Variants in PPP2R5A observed in about 807,000 individuals in gnomAD.
The protein encoded by PPP2R5A is protein phosphatase 2 regulatory subunit B'alpha.
A neutral mutation model predicts 64.2 loss-of-function variants in PPP2R5A; 25 were observed. That is an observed-to-expected ratio of 0.39 (90% CI 0.28 to 0.54). PPP2R5A has a LOEUF of 0.54. Among genes scored for constraint, PPP2R5A ranks in the 20% least tolerant of loss-of-function variants. The probability of loss-of-function intolerance (pLI) is 0.67; values close to 1 mark genes in which losing one functional copy is unlikely to be tolerated. For synonymous variants in PPP2R5A, 198 were observed against 201.2 expected, an observed-to-expected ratio of 0.98 and a Z score of 0.13; for missense variants, 425 against 576.3, an observed-to-expected ratio of 0.74 and a Z score of 2.69.
intron 11 of PPP2R5A, chr1:212,357,844 T>C (rs6674587): frequency 0.82 from 122,908 of 150,502 alleles, 50,662 homozygotes; most frequent in African/African-American, 0.94. Context: ...TTGCCCAGAC[T>C]GGAGTGCAAT....
chr1:212,348,312 T>C (rs999100475), intron 6 of PPP2R5A, 77 bp from the exon 7 acceptor site: 3 of 874,194 alleles, frequency 3.4e-6, no homozygotes, highest in South Asian at 1.3e-5. Context: ...CTGTTCCTTA[T>C]GTACTCATGG....
chr1:212,285,426 C>T lies in PPP2R5A; in HGVS notation c.-685C>T, dbSNP rs1399233890. The T allele has an allele frequency of 6.6e-6, 1 of 152,332 alleles. No individual in the cohort carries two copies. Among genetic ancestry groups the T allele is most frequent in the African/African-American group, 2.4e-5 (1 of 41,472 alleles). The allele number at this position is 152,332 out of a possible 1,614,324, so 9.4% of individuals were successfully genotyped here. On this transcript the variant is annotated 5_prime_UTR_variant, in exon 1 of 13. Transcript: ENST00000261461. ...ACACTCCCCAGTCGCCTGTACCAAC[C>T]ACCTTCTCAAGTTGTAGCGGTCGCT...
rs562874168 is a variant in PPP2R5A at position 212,304,986 on chromosome 1, G to A, written c.181+18695G>A. 1.7e-4 allele frequency among the ~76,000 whole-genome samples: 25 copies of A among 149,596 alleles called. No homozygotes were observed. In the South Asian group the frequency reaches 3.2e-3, roughly 19 times the overall value. ...GACCTCATTAGCCACCCACCCCTGC[G>A]TCCCTGAGTGCTGGGATTACAGGTG... On this transcript the variant is annotated intron_variant, in intron 1 of 12. Coordinates refer to ENST00000261461, the MANE Select transcript of PPP2R5A (RefSeq NM_006243.4).
intron 1 of PPP2R5A, among the ~76,000 whole-genome samples, chr1:212,308,495 G>C (rs6540736): frequency 6.7e-6 from 1 of 150,190 alleles, no homozygotes; most frequent in East Asian, 2.0e-4. Flanking sequence ...TGCAACCTGT[G>C]CCTCTCAGGT....
At chr1:212,291,478 T>G (rs1331847005) in intron 1 of PPP2R5A, among the ~76,000 whole-genome samples, 1 of 152,188 alleles carries the variant, frequency 6.6e-6, no homozygotes, top group African/African-American at 2.4e-5. Context: ...TAAGGTAAAA[T>G]CCACTTACAG....
intron 8 of PPP2R5A, among the ~76,000 whole-genome samples, chr1:212,352,509 G>A (rs1012089000): frequency 1.3e-5 from 2 of 151,712 alleles, no homozygotes; most frequent in African/African-American, 4.8e-5. Flanking sequence ...GAGTGCAGTA[G>A]TACGATTGTG....
chr1:212,315,337 G>T (rs1659125577), intron 1 of PPP2R5A, among the ~76,000 whole-genome samples: 1 of 152,142 alleles, frequency 6.6e-6, no homozygotes. Flanking sequence ...TGGGAAACTG[G>T]ACTTACTGTC....
chr1:212,310,417 T>C (rs1659007615), intron 1 of PPP2R5A, among the ~76,000 whole-genome samples: 1 of 152,146 alleles, frequency 6.6e-6, no homozygotes, highest in Admixed American at 6.5e-5. Context: ...ACCCTTAGGC[T>C]TGAACATTTT....
chr1:212,353,644 T>A (rs945872029), intron 8 of PPP2R5A, among the ~76,000 whole-genome samples: 1 of 152,218 alleles, frequency 6.6e-6, no homozygotes, highest in Non-Finnish European at 1.5e-5. Context: ...AATCTTGTTT[T>A]AGTTGCTGAT....
chr1:212,334,446 C>A (rs1659557782), intron 3 of PPP2R5A, among the ~76,000 whole-genome samples: 1 of 152,030 alleles, frequency 6.6e-6, no homozygotes. Context: ...AGATGTGTGA[C>A]ACTACACCTG....
intron 1 of PPP2R5A, among the ~76,000 whole-genome samples, chr1:212,313,495 G>T (rs1433983353): frequency 5.9e-5 from 9 of 151,450 alleles, no homozygotes; most frequent in South Asian, 2.1e-4. Flanking sequence ...TAGATTTTGG[G>T]TTTTTTTCTT....
chr1:212,311,598 C>CA (rs987718024), intron 1 of PPP2R5A, among the ~76,000 whole-genome samples: 5 of 147,608 alleles, frequency 3.4e-5, no homozygotes, highest in East Asian at 3.9e-4. Flanking sequence ...CTACTTATTA[C>CA]AAAAAAAAAA....
At chr1:212,355,154 T>G (rs1659956661) in intron 8 of PPP2R5A, among the ~76,000 whole-genome samples, 1 of 152,220 alleles carries the variant, frequency 6.6e-6, no homozygotes. Flanking sequence ...ATAGTTGTTG[T>G]TGTGAAAAGT....
At chr1:212,357,569 C>T (rs563094598) in intron 11 of PPP2R5A, 77 of 171,768 alleles carry the variant, frequency 4.5e-4, no homozygotes, top group African/African-American at 1.6e-3. Flanking sequence ...TTTGGGAGGC[C>T]GAGGCGGGCG....
chr1:212,286,318 A>T (rs374006022), intron 1 of PPP2R5A, 27 bp downstream of exon 1: 1 of 1,463,928 alleles, frequency 6.8e-7, no homozygotes. Context: ...CAGCCCCAGC[A>T]GCGAGCGCAG....
chr1:212,308,886 A>G (rs992828597), intron 1 of PPP2R5A, among the ~76,000 whole-genome samples: 3 of 151,778 alleles, frequency 2.0e-5, no homozygotes, highest in African/African-American at 7.3e-5. Context: ...TTATTTTGCT[A>G]TTATGTTTTT....
intron 1 of PPP2R5A, among the ~76,000 whole-genome samples, chr1:212,303,924 T>C (rs1307883806): frequency 6.6e-6 from 1 of 152,234 alleles, no homozygotes; most frequent in Non-Finnish European, 1.5e-5. Context: ...TCTTGATTAC[T>C]TGTTTTATAT....
At chr1:212,356,765 G>A in intron 9 of PPP2R5A, 89 bp downstream of exon 9, 1 of 1,444,318 alleles carries the variant, frequency 6.9e-7, no homozygotes, top group Non-Finnish European at 9.5e-7. Flanking sequence ...TGGCTGTATT[G>A]CTGTTGCTAA....
chr1:212,300,123 A>T (rs140623024), intron 1 of PPP2R5A, among the ~76,000 whole-genome samples: 183 of 152,276 alleles, frequency 1.2e-3, no homozygotes, highest in Middle Eastern at 3.4e-3. Flanking sequence ...CCCATAAAAA[A>T]TTTTGATTAT....
Sources: gnomAD v4.1 joint callset for allele counts (sites outside exome capture counted in the v4.1 genomes callset) on GRCh38, gnomAD v4.1.1 for gene constraint, MANE v1.5 for transcripts, NCBI Gene and HGNC (gene_info 2026-07-23, HGNC 2026-07-21) for gene names.